DGKI: variants seen among roughly 807,000 people sequenced by gnomAD.
The protein encoded by DGKI is DAG kinase iota.
In DGKI, 55 loss-of-function variants were observed where a neutral mutation model predicts 147.5. The ratio of observed to expected loss-of-function variants is 0.37; its 90% CI spans 0.30 to 0.47. DGKI has a LOEUF of 0.47. DGKI is among the 20% of genes least tolerant of loss of function. The pLI, the probability that DGKI is intolerant of heterozygous loss-of-function variation, is 1.00. For missense variants in DGKI, 1,007 were observed against 1,323.8 expected (o/e 0.76, Z 3.71); for synonymous variants, 469 against 477.1 (o/e 0.98, Z 0.22).
At chr7:137,463,994 A>C (rs1394219594) in intron 26 of DGKI, among the ~76,000 whole-genome samples, 2 of 152,152 alleles carry the variant, frequency 1.3e-5, no homozygotes, top group Non-Finnish European at 2.9e-5. Context: ...GCACTGATTC[A>C]AGTCCTGGTG....
At chr7:137,699,088 C>G (rs1267098872) in intron 1 of DGKI, among the ~76,000 whole-genome samples, 2 of 152,204 alleles carry the variant, frequency 1.3e-5, no homozygotes, top group African/African-American at 4.8e-5. Flanking sequence ...AAGGTGCCAG[C>G]AGATTCAATG....
chr7:137,487,590 A>T lies in DGKI; in HGVS notation c.2328+20T>A. ...AAATGGAAAGTTGAGGAGAATAAAA[A>T]ATTGGCTAAATAAACTCACCTCCTG... On this transcript the variant is annotated intron_variant, in intron 22 of 32. Transcript: ENST00000614521. 6.2e-7 allele frequency: 1 copy of T among 1,607,026 alleles called. No homozygotes were observed. The highest frequency in any genetic ancestry group is 8.5e-7 in the Non-Finnish European group (1 of 1,174,110).
At chr7:137,700,066 CCTAA>C (rs1823923828) in intron 1 of DGKI, among the ~76,000 whole-genome samples, 1 of 152,142 alleles carries the variant, frequency 6.6e-6, no homozygotes, top group African/African-American at 2.4e-5. Context: ...CAGGCAAAGA[CCTAA>C]CTACCTACTT....
chr7:137,574,829 C>G (rs1239874561), intron 17 of DGKI, among the ~76,000 whole-genome samples: 1 of 152,132 alleles, frequency 6.6e-6, no homozygotes, highest in African/African-American at 2.4e-5. Context: ...TTTTTACTGT[C>G]ATTTTGTATT....
intron 27 of DGKI, 151 bp downstream of exon 27, chr7:137,463,338 T>C (rs1030902958): frequency 2.7e-6 from 3 of 1,119,502 alleles, no homozygotes; most frequent in Non-Finnish European, 3.8e-6. Context: ...ATGAGCAAGG[T>C]GCATGGAATG....
intron 1 of DGKI, among the ~76,000 whole-genome samples, chr7:137,827,260 T>C (rs1261870508): frequency 6.6e-6 from 1 of 152,132 alleles, no homozygotes; most frequent in Non-Finnish European, 1.5e-5. Flanking sequence ...GAGCATCACT[T>C]ATAGGCTCAA....
chr7:137,480,680 T>G (rs532198840), intron 23 of DGKI, among the ~76,000 whole-genome samples: 1 of 152,296 alleles, frequency 6.6e-6, no homozygotes, highest in South Asian at 2.1e-4. Context: ...TCTCTATTTT[T>G]AAATATTCCA....
chr7:137,421,841 G>A (rs1278411065), intron 28 of DGKI, among the ~76,000 whole-genome samples: 3 of 152,158 alleles, frequency 2.0e-5, no homozygotes, highest in Non-Finnish European at 4.4e-5. Context: ...CTTTCGACCT[G>A]GTGATTCAGC....
intron 1 of DGKI, among the ~76,000 whole-genome samples, chr7:137,812,124 C>CA (rs1797609211): frequency 6.6e-6 from 1 of 152,164 alleles, no homozygotes; most frequent in Non-Finnish European, 1.5e-5. Flanking sequence ...TCCATTCCCT[C>CA]GGGCTTCCTG....
intron 1 of DGKI, among the ~76,000 whole-genome samples, chr7:137,747,403 A>G (rs1215738128): frequency 6.6e-6 from 1 of 152,208 alleles, no homozygotes; most frequent in Admixed American, 6.5e-5. Flanking sequence ...GGCAGGGAAC[A>G]TAAGGCCGAT....
intron 1 of DGKI, among the ~76,000 whole-genome samples, chr7:137,822,993 A>T (rs1357275932): frequency 1.3e-5 from 2 of 151,916 alleles, no homozygotes; most frequent in Non-Finnish European, 1.5e-5. Context: ...TACATTGGCT[A>T]TTTAATATAA....
rs188596398 is a variant in DGKI at position 137,633,966 on chromosome 7, A to G, written c.805-10412T>C. Among the ~76,000 whole-genome samples the G allele has an allele frequency of 1.2e-3, 181 of 152,330 alleles. 1 individual carries two copies. Among genetic ancestry groups the G allele is most frequent in the African/African-American group, 4.1e-3 (171 of 41,580 alleles). On this transcript the variant is annotated intron_variant, in intron 6 of 32. Transcript: ENST00000614521. ...TTAAAGCAGATGAGCAAGAAGTGGAAGGTACATCAGAGGTCCTGGTGAGAA... is the reference window on the plus strand; with the variant it reads ...TTAAAGCAGATGAGCAAGAAGTGGAGGGTACATCAGAGGTCCTGGTGAGAA...
At chr7:137,553,022 A>C (rs1818103165) in intron 19 of DGKI, among the ~76,000 whole-genome samples, 1 of 152,246 alleles carries the variant, frequency 6.6e-6, no homozygotes, top group Non-Finnish European at 1.5e-5. Context: ...CCACCATAGT[A>C]GGAAACCTGG....
At chr7:137,526,882 C>A (rs547421776) in intron 20 of DGKI, among the ~76,000 whole-genome samples, 23 of 152,264 alleles carry the variant, frequency 1.5e-4, no homozygotes, top group African/African-American at 5.1e-4. Flanking sequence ...AGACGCCTCT[C>A]ATCCAATCTC....
At position 137,472,366 on chromosome 7, in the gene DGKI, AT is replaced by A. The variant is rs1302889636; in HGVS notation, c.2374-2748del. 5.4e-3 allele frequency among the ~76,000 whole-genome samples: 26 copies of A among 4,844 alleles called. 2 individuals carry two copies. The highest frequency in any genetic ancestry group is 0.014 in the African/African-American group (23 of 1,604). The allele number at this position is 4,844 out of a possible 152,430, so 3.2% of individuals were successfully genotyped here. Reference sequence around the variant, plus strand: ...ATAATTATTATATGTATATATACATATAATTATTATATGTATATATACATAT... The same window carrying A: ...ATAATTATTATATGTATATATACATAAATTATTATATGTATATATACATAT... On this transcript the variant is annotated intron_variant, in intron 23 of 32. Coordinates refer to ENST00000614521, the MANE Select transcript of DGKI (RefSeq NM_001321708.2).
intron 28 of DGKI, among the ~76,000 whole-genome samples, chr7:137,428,251 G>A (rs2128909780): frequency 6.6e-6 from 1 of 151,810 alleles, no homozygotes; most frequent in South Asian, 2.1e-4. Context: ...TTCAATATAT[G>A]CAAATCAATA....
chr7:137,677,450 C>T (rs1210430366), intron 3 of DGKI, among the ~76,000 whole-genome samples: 1 of 152,166 alleles, frequency 6.6e-6, no homozygotes, highest in South Asian at 2.1e-4. Flanking sequence ...TTCACTTAAA[C>T]AGGCCCTGTT....
In DGKI at chr7:137,604,162, T is replaced by C. The variant is rs114059356; in HGVS notation, c.1168-4257A>G. ...TTGTTTTAATTCCATCTGTTGAGGC[T>C]AGCTGGACAAGAAGATGTTGAGGCT... On this transcript the variant is annotated intron_variant, in intron 10 of 32. Transcript: ENST00000614521. 7.3e-3 allele frequency among the ~76,000 whole-genome samples: 1,107 copies of C among 152,304 alleles called. 14 individuals are homozygous for C. Among genetic ancestry groups the C allele is most frequent in the African/African-American group, 0.025 (1,046 of 41,572 alleles).
chr7:137,533,770 T>A (rs1817423635), intron 20 of DGKI, among the ~76,000 whole-genome samples: 1 of 152,044 alleles, frequency 6.6e-6, no homozygotes, highest in South Asian at 2.1e-4. Flanking sequence ...CTTCCATTTG[T>A]GATTCTTCCA....
Sources: allele counts gnomAD v4.1 joint callset (sites outside exome capture counted in the v4.1 genomes callset), GRCh38; gene constraint gnomAD v4.1.1; transcripts MANE v1.5; gene names NCBI Gene and HGNC (gene_info 2026-07-23, HGNC 2026-07-21).